Variants in KIRREL1 observed in about 807,000 individuals in gnomAD.
The protein encoded by KIRREL1 is kirre like nephrin family adhesion molecule 1.
KIRREL1 carries 25 observed loss-of-function variants against 83.3 expected under a neutral mutation model. The ratio of observed to expected loss-of-function variants is 0.30; its 90% confidence interval spans 0.22 to 0.42. The LOEUF is 0.42. Among genes scored for constraint, KIRREL1 ranks in the 10% least tolerant of loss-of-function variants. KIRREL1 has a pLI of 1.00. For synonymous variants in KIRREL1, 388 were observed against 410.4 expected (o/e 0.95, Z 0.66); for missense variants, 812 against 1,032.3 (o/e 0.79, Z 2.92).
intron 1 of KIRREL1, among the ~76,000 whole-genome samples, chr1:158,048,178 G>A (rs893382388): frequency 1.3e-5 from 2 of 152,164 alleles, no homozygotes; most frequent in African/African-American, 4.8e-5. Flanking sequence ...AAAAAATTAG[G>A]GGAGTTGGAT....
At chr1:158,014,417 C>A (rs185474848) in intron 1 of KIRREL1, among the ~76,000 whole-genome samples, 11 of 152,224 alleles carry the variant, frequency 7.2e-5, no homozygotes, top group Admixed American at 2.0e-4. Context: ...AAGTAACCGG[C>A]CGCAGGTTCC....
At chr1:158,042,080 C>T (rs1324679623) in intron 1 of KIRREL1, among the ~76,000 whole-genome samples, 6 of 152,066 alleles carry the variant, frequency 3.9e-5, no homozygotes, top group Non-Finnish European at 8.8e-5. Context: ...TTACATTGCC[C>T]GAGCACTTCC....
chr1:158,036,888 G>A (rs1570936603), intron 1 of KIRREL1, among the ~76,000 whole-genome samples: 2 of 152,316 alleles, frequency 1.3e-5, no homozygotes, highest in African/African-American at 4.8e-5. Context: ...CAGGAGTGAG[G>A]ACGGCCGATA....
intron 5 of KIRREL1, 120 bp downstream of exon 5, chr1:158,086,866 C>T (rs988897219): frequency 1.1e-5 from 9 of 855,626 alleles, no homozygotes; most frequent in South Asian, 8.4e-5. Context: ...CCAGGACAAA[C>T]GCTTGCCTTC....
intron 3 of KIRREL1, among the ~76,000 whole-genome samples, chr1:158,080,057 G>C (rs1310585743): frequency 1.3e-5 from 2 of 152,090 alleles, no homozygotes; most frequent in African/African-American, 4.8e-5. Flanking sequence ...AAAATTAGAC[G>C]GTGATCTTGA....
intron 1 of KIRREL1, among the ~76,000 whole-genome samples, chr1:157,995,761 A>G (rs927658153): frequency 6.6e-6 from 1 of 151,976 alleles, no homozygotes; most frequent in African/African-American, 2.4e-5. Context: ...CTGCTCCAAC[A>G]GGGGTGAAAG....
Position 157,993,680 on chromosome 1 carries a change from C to T in KIRREL1, c.4C>T (p.Leu2=). M[L]SLLVWILTLS... is the part of the protein sequence containing the mutation. Reference sequence around the variant, plus strand: ...GGGCGCACGGCGGGCGGACAGCATGCTGAGCCTCCTCGTCTGGATCCTCAC... The same window carrying T: ...GGGCGCACGGCGGGCGGACAGCATGTTGAGCCTCCTCGTCTGGATCCTCAC... Residue 2 remains leucine (L), a synonymous_variant, in exon 1 of 15, where the codon CTG becomes TTG. Transcript: ENST00000359209. 1 of 1,489,158 alleles carries T rather than the reference C, an allele frequency of 6.7e-7. No homozygotes were observed. The highest frequency in any genetic ancestry group is 8.9e-7 in the Non-Finnish European group (1 of 1,118,116). 92.2% of individuals were successfully genotyped at this position (1,489,158 alleles called of 1,614,324 possible).
intron 2 of KIRREL1, among the ~76,000 whole-genome samples, chr1:158,077,073 T>C (rs1159818391): frequency 6.6e-6 from 1 of 152,204 alleles, no homozygotes; most frequent in Non-Finnish European, 1.5e-5. Flanking sequence ...GAGAAGAGAT[T>C]TGTAAAAACA....
chr1:158,018,791 T>A (rs1029418784), intron 1 of KIRREL1, among the ~76,000 whole-genome samples: 8 of 152,168 alleles, frequency 5.3e-5, no homozygotes, highest in Non-Finnish European at 1.2e-4. Context: ...GAACCATTTG[T>A]GGCAAGCGTT....
At position 158,099,468 on chromosome 1, in the gene KIRREL1, A is replaced by T. The variant is rs906228694; in HGVS notation, c.*4348A>T. The T allele has an allele frequency of 6.6e-6, 1 of 151,642 alleles. No homozygotes were observed. The highest frequency in any genetic ancestry group is 6.6e-5 in the Admixed American group (1 of 15,198). 9.4% of individuals were successfully genotyped at this position (151,642 alleles called of 1,614,324 possible). ...GTTCACCTCTGGGCTGCTGGAGAGGACTGAGAGATGTGTGGTTTGGTAGGA... is the reference window on the plus strand; with the variant it reads ...GTTCACCTCTGGGCTGCTGGAGAGGTCTGAGAGATGTGTGGTTTGGTAGGA... On this transcript the variant is annotated 3_prime_UTR_variant, in exon 15 of 15. Transcript: ENST00000359209.
At chr1:158,071,239 C>T (rs920711503) in intron 1 of KIRREL1, among the ~76,000 whole-genome samples, 1 of 152,198 alleles carries the variant, frequency 6.6e-6, no homozygotes, top group Admixed American at 6.5e-5. Context: ...CTTCCCTTCT[C>T]ACTCTAGTCT....
At chr1:158,064,191 G>C (rs575212034) in intron 1 of KIRREL1, among the ~76,000 whole-genome samples, 2 of 152,198 alleles carry the variant, frequency 1.3e-5, no homozygotes, top group African/African-American at 4.8e-5. Context: ...TGGAAAAGGA[G>C]CCAAAATAAA....
intron 1 of KIRREL1, among the ~76,000 whole-genome samples, chr1:158,062,472 T>C (rs1661241522): frequency 6.6e-6 from 1 of 152,268 alleles, no homozygotes; most frequent in Non-Finnish European, 1.5e-5. Flanking sequence ...GAACTGCTTT[T>C]ACTTTACGCA....
intron 1 of KIRREL1, among the ~76,000 whole-genome samples, chr1:158,054,128 G>T (rs556251531): frequency 6.8e-6 from 1 of 146,546 alleles, no homozygotes; most frequent in African/African-American, 2.5e-5. Context: ...CAGGAGAATT[G>T]CTTGAAGCTG....
At chr1:158,016,821 G>A (rs1468928882) in intron 1 of KIRREL1, among the ~76,000 whole-genome samples, 1 of 152,106 alleles carries the variant, frequency 6.6e-6, no homozygotes, top group Non-Finnish European at 1.5e-5. Flanking sequence ...ACAGGGAGAG[G>A]GCTAAGCCTT....
rs1431555061 is a variant in KIRREL1 at position 158,097,974 on chromosome 1, C to G, written c.*2854C>G. ...AAAACTATTCTGGTTTTGTTATACC[C>G]ATAGGGTTGGGGGTAGGGATGGGAC... On this transcript the variant is annotated 3_prime_UTR_variant, in exon 15 of 15. Transcript: ENST00000359209. The G allele has an allele frequency of 6.6e-6, 1 of 151,980 alleles. No individual in the cohort carries two copies. Among genetic ancestry groups the G allele is most frequent in the Non-Finnish European group, 1.5e-5 (1 of 68,020 alleles). The allele number at this position is 151,980 out of a possible 1,614,324, so 9.4% of individuals were successfully genotyped here. A position where few individuals can be genotyped will look rare whatever the true frequency, so the allele number is the denominator to read the frequency against.
At chr1:158,077,552 G>T (rs538917075) in intron 2 of KIRREL1, among the ~76,000 whole-genome samples, 151 of 152,290 alleles carry the variant, frequency 9.9e-4, no homozygotes, top group African/African-American at 3.4e-3. Flanking sequence ...CCCTGGGCCT[G>T]CCTTGGGCTT....
chr1:158,036,765 A>G (rs1317034313), intron 1 of KIRREL1, among the ~76,000 whole-genome samples: 1 of 152,144 alleles, frequency 6.6e-6, no homozygotes, highest in Non-Finnish European at 1.5e-5. Context: ...CCTGATGCTT[A>G]TGGTTTTCAT....
intron 1 of KIRREL1, among the ~76,000 whole-genome samples, chr1:158,060,195 C>G (rs193078308): frequency 4.6e-4 from 70 of 152,310 alleles, no homozygotes; most frequent in Middle Eastern, 3.4e-3. Flanking sequence ...CTTCGCCTTT[C>G]CCAGCAGGGA....
Sources: gnomAD v4.1 joint callset for allele counts (sites outside exome capture counted in the v4.1 genomes callset) on GRCh38, gnomAD v4.1.1 for gene constraint, MANE v1.5 for transcripts, NCBI Gene and HGNC (gene_info 2026-07-23, HGNC 2026-07-21) for gene names.